Variants in JAZF1 observed in about 807,000 individuals in gnomAD.
The protein encoded by JAZF1 is juxtaposed with another zinc finger protein 1.
A neutral mutation model predicts 26.4 loss-of-function variants in JAZF1; 8 were observed. That is an observed-to-expected ratio of 0.30 (90% confidence interval 0.18 to 0.55). JAZF1 has a LOEUF of 0.55. JAZF1 is among the 20% of genes least tolerant of loss of function. The pLI, the probability that JAZF1 is intolerant of heterozygous loss-of-function variation, is 0.94. For missense variants in JAZF1, 199 were observed against 322.0 expected (o/e 0.62, Z 2.92); for synonymous variants, 126 against 122.3 (o/e 1.03, Z -0.20).
At chr7:28,011,403 T>TA (rs541438911) in intron 1 of JAZF1, among the ~76,000 whole-genome samples, 80 of 152,242 alleles carry the variant, frequency 5.3e-4, no homozygotes, top group African/African-American at 1.9e-3. Context: ...AAGGTAGTGA[T>TA]AACAAGGAGA....
chr7:27,861,085 A>G (rs769728001), intron 3 of JAZF1, among the ~76,000 whole-genome samples: 4 of 152,066 alleles, frequency 2.6e-5, no homozygotes, highest in Non-Finnish European at 5.9e-5. Flanking sequence ...ATGGGAGGTA[A>G]AATCTGGAGT....
intron 1 of JAZF1, among the ~76,000 whole-genome samples, chr7:28,169,804 T>C (rs1053030846): frequency 6.6e-6 from 1 of 152,250 alleles, no homozygotes; most frequent in African/African-American, 2.4e-5. Context: ...CAGATTCCCC[T>C]GCTTTTGCCA....
At chr7:28,104,087 C>T (rs1267588940) in intron 1 of JAZF1, among the ~76,000 whole-genome samples, 4 of 152,178 alleles carry the variant, frequency 2.6e-5, no homozygotes, top group African/African-American at 4.8e-5. Flanking sequence ...GGCCCCAGTC[C>T]GAGCTGTTCC....
intron 1 of JAZF1, among the ~76,000 whole-genome samples, chr7:28,042,937 G>A (rs1468143684): frequency 6.6e-6 from 1 of 152,166 alleles, no homozygotes; most frequent in African/African-American, 2.4e-5. Context: ...TAGTTTCTCA[G>A]AAAGTATTCC....
Position 27,851,024 on chromosome 7 carries a change from C to A in JAZF1, c.386-10157G>T, listed in dbSNP as rs1783137761. The stretch of plus-strand genomic sequence containing the variant: ...ATGGCACGATCTTGGCTCACTGCAA[C>A]TTCCACCTCCCGGGTTCAAATGATT... On this transcript the variant is annotated intron_variant, in intron 3 of 4. Coordinates refer to ENST00000283928, the MANE Select transcript of JAZF1 (RefSeq NM_175061.4). 2.0e-5 allele frequency among the ~76,000 whole-genome samples: 3 copies of A among 152,170 alleles called. No individual in the cohort carries two copies. The South Asian group carries it at 6.2e-4, about 31-fold the overall frequency.
chr7:28,031,601 T>C (rs527875181), intron 1 of JAZF1, among the ~76,000 whole-genome samples: 1 of 152,236 alleles, frequency 6.6e-6, no homozygotes, highest in Admixed American at 6.5e-5. Context: ...ACTTAGAAAA[T>C]GGGCTTCTTT....
intron 2 of JAZF1, among the ~76,000 whole-genome samples, chr7:27,906,772 G>A (rs146726291): frequency 4.6e-5 from 7 of 152,226 alleles, no homozygotes; most frequent in South Asian, 4.1e-4. Context: ...CCTCCTTTCC[G>A]TTCCTTTTCT....
In JAZF1 at chr7:28,128,733, A is replaced by C. The variant is rs114646599; in HGVS notation, c.115+51730T>G. 6.6e-3 allele frequency among the ~76,000 whole-genome samples: 998 copies of C among 152,274 alleles called. 17 individuals carry two copies. The highest frequency in any genetic ancestry group is 0.023 in the African/African-American group (962 of 41,548). ...CTGACTTTATATTTGCTGAGTTTAT[A>C]CTTAGCACTGACTTGCTGCAAATTA... On this transcript the variant is annotated intron_variant, in intron 1 of 4. Coordinates refer to ENST00000283928, the MANE Select transcript of JAZF1 (RefSeq NM_175061.4).
chr7:27,940,998 C>T (rs972250776), intron 2 of JAZF1, among the ~76,000 whole-genome samples: 2 of 152,076 alleles, frequency 1.3e-5, no homozygotes, highest in Admixed American at 6.5e-5. Flanking sequence ...TTTTAATTAA[C>T]TTGAAGTGCC....
chr7:27,931,149 G>T (rs1784683812), intron 2 of JAZF1, among the ~76,000 whole-genome samples: 1 of 152,202 alleles, frequency 6.6e-6, no homozygotes, highest in Admixed American at 6.5e-5. Context: ...TTTCTGTAAA[G>T]GGTCAGACAG....
chr7:27,971,734 T>C (rs1165093772), intron 2 of JAZF1, among the ~76,000 whole-genome samples: 1 of 152,152 alleles, frequency 6.6e-6, no homozygotes, highest in Non-Finnish European at 1.5e-5. Flanking sequence ...AAGAGAGGTG[T>C]AGCACCTTGA....
chr7:27,991,829 C>A, intron 2 of JAZF1, 80 bp downstream of exon 2: 1 of 792,556 alleles, frequency 1.3e-6, no homozygotes, highest in East Asian at 2.5e-5. Flanking sequence ...CATTTTTCCA[C>A]TCTGTTAAAA....
chr7:28,024,798 C>T (rs1218532611), intron 1 of JAZF1, among the ~76,000 whole-genome samples: 2 of 152,156 alleles, frequency 1.3e-5, no homozygotes, highest in African/African-American at 4.8e-5. Flanking sequence ...TCATGAAACG[C>T]AGACAGAACC....
At chr7:27,875,058 G>A (rs765816166) in intron 3 of JAZF1, among the ~76,000 whole-genome samples, 7 of 152,206 alleles carry the variant, frequency 4.6e-5, no homozygotes, top group Non-Finnish European at 8.8e-5. Context: ...ACCATATATT[G>A]TGACAGAGGC....
At chr7:27,971,779 G>A (rs2128359799) in intron 2 of JAZF1, among the ~76,000 whole-genome samples, 2 of 152,248 alleles carry the variant, frequency 1.3e-5, no homozygotes, top group East Asian at 1.9e-4. Context: ...GGGGTGGAAG[G>A]GAAATCTCCA....
At chr7:28,176,395 T>C (rs1008177767) in intron 1 of JAZF1, among the ~76,000 whole-genome samples, 2 of 152,224 alleles carry the variant, frequency 1.3e-5, no homozygotes, top group Admixed American at 1.3e-4. Flanking sequence ...CAGAATGTCC[T>C]CATGACTAAC....
At chr7:27,919,551 A>T (rs1784495542) in intron 2 of JAZF1, among the ~76,000 whole-genome samples, 1 of 152,246 alleles carries the variant, frequency 6.6e-6, no homozygotes, top group African/African-American at 2.4e-5. Context: ...GATAACACAG[A>T]ACAAGCATGA....
At chr7:28,088,655 A>G (rs1354412588) in intron 1 of JAZF1, among the ~76,000 whole-genome samples, 6 of 152,114 alleles carry the variant, frequency 3.9e-5, no homozygotes, top group Non-Finnish European at 7.4e-5. Context: ...ATATCTCCCA[A>G]AGAAAAGGGG....
chr7:27,993,036 A>G (rs1206528289), intron 1 of JAZF1, among the ~76,000 whole-genome samples: 1 of 152,238 alleles, frequency 6.6e-6, no homozygotes, highest in Non-Finnish European at 1.5e-5. Context: ...ACGGGTGGCA[A>G]CAATGACAGC....
Sources: gnomAD v4.1 joint callset for allele counts (sites outside exome capture counted in the v4.1 genomes callset) on GRCh38, gnomAD v4.1.1 for gene constraint, MANE v1.5 for transcripts, NCBI Gene and HGNC (gene_info 2026-07-23, HGNC 2026-07-21) for gene names.